The following VASH1 variants were observed in gnomAD, a reference collection of about 807,000 sequenced individuals.
The protein encoded by VASH1 is tubulinyl-Tyr carboxypeptidase 1.
In VASH1, 16 loss-of-function variants were observed where a neutral mutation model predicts 35.0. The ratio of observed to expected loss-of-function variants is 0.46; its 90% CI spans 0.31 to 0.70. The LOEUF (loss-of-function observed/expected upper bound fraction) is 0.70, where lower values mean the gene tolerates loss of function less well. VASH1 is among the 30% of genes least tolerant of loss of function. The pLI, the probability that VASH1 is intolerant of heterozygous loss-of-function variation, is 0.05. For synonymous variants in VASH1, 214 were observed against 200.9 expected, an observed-to-expected ratio of 1.07 and a Z score of -0.55; for missense variants, 505 against 510.7, an observed-to-expected ratio of 0.99 and a Z score of 0.11.
At chr14:76,767,177 G>A (rs1445530404) in intron 1 of VASH1, among the ~76,000 whole-genome samples, 2 of 151,896 alleles carry the variant, frequency 1.3e-5, no homozygotes, top group Admixed American at 6.6e-5. Context: ...CCCAGGAGAT[G>A]AGGTTTTCAG....
At position 76,776,024 on chromosome 14, in the gene VASH1, T is replaced by C. The variant is rs2140186374; in HGVS notation, c.663T>C (p.Ser221=). Residue 221 remains serine, a synonymous_variant, in exon 5 of 7, where the codon AGT becomes AGC. Coordinates refer to ENST00000167106, the MANE Select transcript of VASH1 (RefSeq NM_014909.5). ...GCCGCTACGGTGCGCTGGGCATGAG[T>C]CGGCGCGAGGACCTGATGTACAAGC... ...FAGRYGALGM[S]RREDLMYKPP... 6.2e-7 allele frequency: 1 copy of C among 1,612,476 alleles called. No homozygotes were observed. The highest frequency in any genetic ancestry group is 2.2e-5 in the East Asian group (1 of 44,852).
In VASH1 at chr14:76,762,974, G is replaced by A; in HGVS notation, c.153G>A (p.Glu51=). ...RDEEPEEEGE[E]DLRDGGVPFF... ...AGGAGCCAGAAGAGGAAGGGGAAGA[G>A]GACCTGCGAGACGGAGGCGTCCCCT... Residue 51 remains glutamate, a synonymous_variant, in exon 1 of 7, where the codon GAG becomes GAA. Transcript: ENST00000167106. 2 of 1,554,514 alleles carry A rather than the reference G, an allele frequency of 1.3e-6. No individual in the cohort carries two copies. The highest frequency in any genetic ancestry group is 1.7e-6 in the Non-Finnish European group (2 of 1,149,148).
intron 1 of VASH1, among the ~76,000 whole-genome samples, chr14:76,764,588 A>T (rs1271300023): frequency 6.6e-6 from 1 of 152,056 alleles, no homozygotes; most frequent in African/African-American, 2.4e-5. Flanking sequence ...TATCAATAAG[A>T]TGAGGTTGAT....
At chr14:76,771,328 G>A in intron 3 of VASH1, 82 bp downstream of exon 3, 1 of 1,339,184 alleles carries the variant, frequency 7.5e-7, no homozygotes, top group Non-Finnish European at 9.9e-7. Flanking sequence ...TGGAGAGGAA[G>A]TTTATGGGGC....
At position 76,781,531 on chromosome 14, in the gene VASH1, GGGA is replaced by G. The variant is rs1467070772; in HGVS notation, c.*2515_*2517del. Reference sequence around the variant, plus strand: ...GGGTTTGAGGGGAGTAGATATGAGAGGGAGCCGCTCCTGGTTCTGGAGTCTTAG... The same window carrying G: ...GGGTTTGAGGGGAGTAGATATGAGAGGCCGCTCCTGGTTCTGGAGTCTTAG... On this transcript the variant is annotated 3_prime_UTR_variant, in exon 7 of 7. Transcript: ENST00000167106. 2 of 152,180 alleles carry G rather than the reference GGGA, an allele frequency of 1.3e-5. No individual in the cohort carries two copies. Among genetic ancestry groups the G allele is most frequent in the Non-Finnish European group, 2.9e-5 (2 of 68,078 alleles). 9.4% of individuals were successfully genotyped at this position (152,180 alleles called of 1,614,324 possible).
chr14:76,770,411 A>T (rs1210647985), intron 2 of VASH1, among the ~76,000 whole-genome samples: 1 of 152,088 alleles, frequency 6.6e-6, no homozygotes, highest in Non-Finnish European at 1.5e-5. Flanking sequence ...AGGGGGAGAG[A>T]GGGAGCTGCC....
At chr14:76,774,982 C>A (rs1479011774) in intron 4 of VASH1, 2 of 152,232 alleles carry the variant, frequency 1.3e-5, no homozygotes, top group Non-Finnish European at 2.9e-5. Context: ...CCGTGAGACG[C>A]AGCACAGTGC....
At chr14:76,776,297 G>GC in intron 5 of VASH1, 24 bp downstream of exon 5, 1 of 1,468,216 alleles carries the variant, frequency 6.8e-7, no homozygotes, top group Non-Finnish European at 9.2e-7. Context: ...CCACGCCCTC[G>GC]CCCCCTCCCT....
rs1210676155 is a variant in VASH1 at position 76,761,542 on chromosome 14, C to CCA, written c.-1280_-1279insCA. ...CGGCGGCAGCGGGGCCCAGGGGCGG[C>CCA]GGGGCTGCAGCAGCGGCGGCCCCAG... On this transcript the variant is annotated 5_prime_UTR_variant, in exon 1 of 7. Coordinates refer to ENST00000167106, the MANE Select transcript of VASH1 (RefSeq NM_014909.5). 2.0e-5 allele frequency among the ~76,000 whole-genome samples: 3 copies of CCA among 151,980 alleles called. No homozygotes were observed. Among genetic ancestry groups the CCA allele is most frequent in the African/African-American group, 7.2e-5 (3 of 41,408 alleles).
intron 3 of VASH1, among the ~76,000 whole-genome samples, chr14:76,771,875 G>A (rs548169005): frequency 6.6e-6 from 1 of 152,386 alleles, no homozygotes; most frequent in South Asian, 2.1e-4. Context: ...AGAGTGAAGA[G>A]TGAATGCCAC....
At chr14:76,776,563 G>A (rs566450966) in intron 5 of VASH1, among the ~76,000 whole-genome samples, 218 of 152,198 alleles carry the variant, frequency 1.4e-3, no homozygotes, top group African/African-American at 4.9e-3. Context: ...TGCTGTGATG[G>A]GCAGCCTCCC....
Position 76,781,235 on chromosome 14 carries a change from CA to C in VASH1, c.*2219del, listed in dbSNP as rs1248643900. 1 of 152,278 alleles carries C rather than the reference CA, an allele frequency of 6.6e-6. No individual in the cohort carries two copies. The highest frequency in any genetic ancestry group is 1.5e-5 in the Non-Finnish European group (1 of 68,100). 9.4% of individuals were successfully genotyped at this position (152,278 alleles called of 1,614,324 possible). A position where few individuals can be genotyped will look rare whatever the true frequency, so the allele number is the denominator to read the frequency against. Reference sequence around the variant, plus strand: ...CCAGCTGGTCAGTCCCTTGCCTCCCCAAGTTCCCCCTGGGGTCAATGAGCCC... The same window carrying C: ...CCAGCTGGTCAGTCCCTTGCCTCCCCAGTTCCCCCTGGGGTCAATGAGCCC... On this transcript the variant is annotated 3_prime_UTR_variant, in exon 7 of 7. Transcript: ENST00000167106.
chr14:76,781,382 TAAG>T lies in VASH1; in HGVS notation c.*2369_*2371del, dbSNP rs1413381194. 1 of 152,202 alleles carries T rather than the reference TAAG, an allele frequency of 6.6e-6. No homozygotes were observed. Among genetic ancestry groups the T allele is most frequent in the African/African-American group, 2.4e-5 (1 of 41,432 alleles). The allele number at this position is 152,202 out of a possible 1,614,324, so 9.4% of individuals were successfully genotyped here. A position where few individuals can be genotyped will look rare whatever the true frequency, so the allele number is the denominator to read the frequency against. ...GTGGTCTCCATGTTCCTACTATGCC[TAAG>T]AAGAGATGGCTCACCTTGGGAGGTG... On this transcript the variant is annotated 3_prime_UTR_variant, in exon 7 of 7. Coordinates refer to ENST00000167106, the MANE Select transcript of VASH1 (RefSeq NM_014909.5).
At chr14:76,769,612 C>A in intron 1 of VASH1, 1 of 554,270 alleles carries the variant, frequency 1.8e-6, no homozygotes, top group Non-Finnish European at 2.8e-6. Context: ...TAAAATAACC[C>A]CAATATTATA....
intron 4 of VASH1, chr14:76,774,680 G>A (rs530828407): frequency 6.6e-6 from 1 of 152,480 alleles, no homozygotes; most frequent in East Asian, 1.9e-4. Flanking sequence ...CGCACTCTGA[G>A]CCTCTGCAGG....
chr14:76,770,347 G>A (rs1182944163), intron 2 of VASH1, among the ~76,000 whole-genome samples: 1 of 130,868 alleles, frequency 7.6e-6, no homozygotes, highest in Non-Finnish European at 1.6e-5. Flanking sequence ...TGACTTGCTG[G>A]TGGGGTGGCC....
rs921758897 is a variant in VASH1 at position 76,761,982 on chromosome 14, G to A, written c.-840G>A. The stretch of plus-strand genomic sequence containing the variant: ...TGGTGCAGCGCGGCGCCAGGTGCCA[G>A]CCGTCCTCCCGCTGAGACGCGCCCG... On this transcript the variant is annotated 5_prime_UTR_variant, in exon 1 of 7. Transcript: ENST00000167106. 2.6e-5 allele frequency among the ~76,000 whole-genome samples: 4 copies of A among 152,052 alleles called. No homozygotes were observed. The highest frequency in any genetic ancestry group is 1.3e-4 in the Admixed American group (2 of 15,262).
chr14:76,778,850 G>A (rs989429841), intron 6 of VASH1, 96 bp from the exon 7 acceptor site: 1 of 1,224,396 alleles, frequency 8.2e-7, no homozygotes, highest in Non-Finnish European at 1.2e-6. Context: ...GGAGAATGTG[G>A]CGGGGAAGCC....
chr14:76,765,525 T>C (rs1384336841), intron 1 of VASH1, among the ~76,000 whole-genome samples: 4 of 152,058 alleles, frequency 2.6e-5, no homozygotes, highest in African/African-American at 9.7e-5. Context: ...CAGCGTGGGT[T>C]GGGTGCCTGG....
Sources: allele counts gnomAD v4.1 joint callset (sites outside exome capture counted in the v4.1 genomes callset), GRCh38; gene constraint gnomAD v4.1.1; transcripts MANE v1.5; gene names NCBI Gene and HGNC (gene_info 2026-07-23, HGNC 2026-07-21).